Variants in CHN1 observed in about 807,000 individuals in gnomAD.
The protein encoded by CHN1 is N-chimaerin.
A neutral mutation model predicts 59.5 loss-of-function variants in CHN1; 37 were observed. That is an observed-to-expected ratio of 0.62 (90% CI 0.48 to 0.82). The LOEUF (loss-of-function observed/expected upper bound fraction) is 0.82. Among genes scored for constraint, CHN1 ranks in the 40% least tolerant of loss-of-function variants. CHN1 has a pLI of 0.00. For missense variants in CHN1, 469 were observed against 571.0 expected, an observed-to-expected ratio of 0.82 and a Z score of 1.82; for synonymous variants, 206 against 200.4, an observed-to-expected ratio of 1.03 and a Z score of -0.24.
rs77134134 is a variant in CHN1 at position 174,929,616 on chromosome 2, G to A, written c.115-11051C>T. On this transcript the variant is annotated intron_variant, in intron 3 of 12. Coordinates refer to ENST00000409900, the MANE Select transcript of CHN1 (RefSeq NM_001822.7). The stretch of plus-strand genomic sequence containing the variant: ...AAAAATATTTGAGAAAACCCTTTGC[G>A]AAAAACTCAGCTTCTTAAGATTAGT... Among the ~76,000 whole-genome samples the A allele has an allele frequency of 2.3e-3, 345 of 151,742 alleles. 3 individuals carry two copies. Among genetic ancestry groups the A allele is most frequent in the African/African-American group, 7.4e-3 (305 of 41,398 alleles).
intron 3 of CHN1, among the ~76,000 whole-genome samples, chr2:174,942,715 A>G (rs1689701733): frequency 6.6e-6 from 1 of 152,202 alleles, no homozygotes; most frequent in African/African-American, 2.4e-5. Context: ...CTACACAAAT[A>G]TGCACAATTA....
At position 174,799,424 on chromosome 2, in the gene CHN1, ATTAAT is replaced by A. The variant is rs886055152; in HGVS notation, c.*687_*691del. 1.1e-5 allele frequency: 5 copies of A among 451,862 alleles called. No homozygotes were observed. Among genetic ancestry groups the A allele is most frequent in the Non-Finnish European group, 2.1e-5 (5 of 238,180 alleles). 28.0% of individuals were successfully genotyped at this position (451,862 alleles called of 1,614,324 possible). On this transcript the variant is annotated 3_prime_UTR_variant, in exon 13 of 13. Transcript: ENST00000409900. ...TTATTTCTAAAAGCCAATTTAATAA[ATTAAT>A]AAACGCATGCCAGAAAAAATACCAA...
At chr2:174,909,525 C>G (rs538072836) in intron 5 of CHN1, among the ~76,000 whole-genome samples, 1 of 152,316 alleles carries the variant, frequency 6.6e-6, no homozygotes, top group African/African-American at 2.4e-5. Flanking sequence ...AAGAGAGGTT[C>G]CCTTACACTC....
intron 3 of CHN1, among the ~76,000 whole-genome samples, chr2:174,929,694 A>G (rs969504046): frequency 3.3e-5 from 5 of 152,224 alleles, no homozygotes; most frequent in African/African-American, 7.2e-5. Context: ...AGGATAATAC[A>G]TAAGTTTCAT....
chr2:174,838,883 G>A (rs1393130614), intron 7 of CHN1, among the ~76,000 whole-genome samples: 1 of 151,928 alleles, frequency 6.6e-6, no homozygotes, highest in African/African-American at 2.4e-5. Context: ...TGTGTTTGGT[G>A]GTGGGCACCT....
At chr2:174,849,707 C>T (rs970891188) in intron 6 of CHN1, among the ~76,000 whole-genome samples, 4 of 151,996 alleles carry the variant, frequency 2.6e-5, no homozygotes, top group Admixed American at 6.6e-5. Flanking sequence ...TTCCAGACAC[C>T]CAACTAAGCA....
At chr2:174,903,052 C>G (rs1553482587) in intron 5 of CHN1, among the ~76,000 whole-genome samples, 1 of 152,164 alleles carries the variant, frequency 6.6e-6, no homozygotes, top group Non-Finnish European at 1.5e-5. Flanking sequence ...TTGTATTACC[C>G]TCTCACAGAA....
rs115475844 is a variant in CHN1, at chr2:174,812,969, A to G, written c.713-487T>C. On this transcript the variant is annotated intron_variant, in intron 8 of 12. Coordinates refer to ENST00000409900, the MANE Select transcript of CHN1 (RefSeq NM_001822.7). ...TATCTATCTGTAATCCTTTCTATAT[A>G]TATGATAACTAATATATAATTCCTC... Among the ~76,000 whole-genome samples, 828 of 152,304 alleles carry G rather than the reference A, an allele frequency of 5.4e-3. 7 individuals carry two copies. The highest frequency in any genetic ancestry group is 0.019 in the African/African-American group (778 of 41,576).
At chr2:174,842,767 G>C (rs956538432) in intron 7 of CHN1, among the ~76,000 whole-genome samples, 2 of 152,050 alleles carry the variant, frequency 1.3e-5, no homozygotes, top group Admixed American at 6.6e-5. Context: ...TTTCCTAGTA[G>C]GTCTTGAATC....
At chr2:175,003,125 T>C (rs1160574876) in intron 1 of CHN1, among the ~76,000 whole-genome samples, 2 of 152,236 alleles carry the variant, frequency 1.3e-5, no homozygotes, top group Non-Finnish European at 2.9e-5. Context: ...CCCAGATGAC[T>C]GATGAGTGGT....
At position 174,839,997 on chromosome 2, in the gene CHN1, G is replaced by A. The variant is rs140804494; in HGVS notation, c.627+6883C>T. Among the ~76,000 whole-genome samples the A allele has an allele frequency of 1.5e-4, 23 of 151,894 alleles. 2 individuals are homozygous for A. In the East Asian group the frequency reaches 4.3e-3, roughly 28 times the overall value. ...TCCAAAGTTTAAACTACCCTCTGTC[G>A]AATTTTACTCTGCATACTCACTTCT... is the stretch of plus-strand genomic sequence containing the variant. On this transcript the variant is annotated intron_variant, in intron 7 of 12. Coordinates refer to ENST00000409900, the MANE Select transcript of CHN1 (RefSeq NM_001822.7).
intron 1 of CHN1, among the ~76,000 whole-genome samples, chr2:174,960,140 A>G (rs1488589871): frequency 6.6e-6 from 1 of 152,252 alleles, no homozygotes; most frequent in East Asian, 1.9e-4. Context: ...ATAGAAAAAA[A>G]CATGAGAGTG....
chr2:174,876,399 A>C (rs944717103), intron 6 of CHN1, among the ~76,000 whole-genome samples: 2 of 152,240 alleles, frequency 1.3e-5, no homozygotes, highest in African/African-American at 4.8e-5. Context: ...ATATAATGTC[A>C]GTATTATTCA....
chr2:174,893,699 C>T (rs1688122978), intron 5 of CHN1, among the ~76,000 whole-genome samples: 1 of 152,094 alleles, frequency 6.6e-6, no homozygotes, highest in African/African-American at 2.4e-5. Flanking sequence ...ACAAACAAGG[C>T]TGGATGCCTC....
chr2:174,939,182 C>A (rs1039812822), intron 3 of CHN1, among the ~76,000 whole-genome samples: 1 of 152,168 alleles, frequency 6.6e-6, no homozygotes, highest in African/African-American at 2.4e-5. Flanking sequence ...ACTCTAACAT[C>A]CATCTATTCA....
intron 1 of CHN1, among the ~76,000 whole-genome samples, 190 bp from the exon 2 acceptor site, chr2:174,952,392 T>C (rs1690049946): frequency 6.6e-6 from 1 of 152,186 alleles, no homozygotes; most frequent in South Asian, 2.1e-4. Flanking sequence ...TTTACAAAGA[T>C]GTTTAAATAA....
intron 3 of CHN1, among the ~76,000 whole-genome samples, chr2:174,937,864 G>A (rs143891936): frequency 2.2e-4 from 33 of 152,132 alleles, no homozygotes; most frequent in African/African-American, 7.5e-4. Flanking sequence ...TGTGAGCTTC[G>A]TGAAGCCTCA....
chr2:174,804,770 G>A (rs932750896), intron 11 of CHN1, among the ~76,000 whole-genome samples: 1 of 152,208 alleles, frequency 6.6e-6, no homozygotes, highest in Non-Finnish European at 1.5e-5. Context: ...GGTGGAGGAG[G>A]TTTGGTGGAG....
intron 7 of CHN1, among the ~76,000 whole-genome samples, chr2:174,826,616 TAGA>T (rs752456635): frequency 5.8e-4 from 88 of 152,108 alleles, no homozygotes; most frequent in Admixed American, 1.4e-3. Flanking sequence ...GCAAAAAGAG[TAGA>T]AGGTGTTTTG....
Sources: allele counts gnomAD v4.1 joint callset (sites outside exome capture counted in the v4.1 genomes callset), GRCh38; gene constraint gnomAD v4.1.1; transcripts MANE v1.5; gene names NCBI Gene and HGNC (gene_info 2026-07-23, HGNC 2026-07-21).